RBM12B: variants seen among roughly 807,000 people sequenced by gnomAD.
RBM12B encodes the protein RNA-binding protein 12B.
RBM12B carries 10 observed loss-of-function variants against 34.3 expected under a neutral mutation model. That is an observed-to-expected ratio of 0.29 (90% CI 0.18 to 0.49). The LOEUF is 0.49. RBM12B is among the 20% of genes least tolerant of loss of function. RBM12B has a pLI of 0.99. For synonymous variants in RBM12B, 477 were observed against 437.1 expected, an observed-to-expected ratio of 1.09 and a Z score of -1.14; for missense variants, 1,139 against 1,262.7, an observed-to-expected ratio of 0.90 and a Z score of 1.48.
Position 93,736,171 on chromosome 8 carries a change from C to CG in RBM12B, c.239_240insC (p.Gln80HisfsTer10). 2.5e-6 allele frequency: 4 copies of CG among 1,614,190 alleles called. No individual in the cohort carries two copies. The highest frequency in any genetic ancestry group is 2.5e-6 in the Non-Finnish European group (3 of 1,180,026). ...CAGTTCTTTTCATTTCTATAGTCTT[C>CG]TGCATTTCTGCCTTGCTACTAAGAA... On this transcript the variant is annotated frameshift_variant, in exon 4 of 4. Coordinates refer to ENST00000520560, the MANE Select transcript of RBM12B (RefSeq NM_001377960.1). LOFTEE classifies it high-confidence loss of function.
intron 2 of RBM12B, 34 bp downstream of exon 2, chr8:93,740,592 CACT>C (rs1036662903): frequency 2.7e-5 from 12 of 448,246 alleles, no homozygotes; most frequent in Middle Eastern, 3.3e-4. Context: ...TTTCTGCCAC[CACT>C]GACTACGATG....
chr8:93,728,174 T>G lies in RBM12B; in HGVS notation c.*5231A>C. 1 of 1,404,336 alleles carries G rather than the reference T, an allele frequency of 7.1e-7. No homozygotes were observed. The highest frequency in any genetic ancestry group is 9.5e-7 in the Non-Finnish European group (1 of 1,051,346). The allele number at this position is 1,404,336 out of a possible 1,614,324, so 87.0% of individuals were successfully genotyped here. On this transcript the variant is annotated 3_prime_UTR_variant, in exon 4 of 4. Coordinates refer to ENST00000520560, the MANE Select transcript of RBM12B (RefSeq NM_001377960.1). ...GTAAAATTTTTTTAAGTTAGTATTT[T>G]TATTTTAAAAAGTGTGTTAACTTTT... is the stretch of plus-strand genomic sequence containing the variant.
chr8:93,730,544 G>A lies in RBM12B; in HGVS notation c.*2861C>T, dbSNP rs147311030. 8.5e-5 allele frequency: 13 copies of A among 152,322 alleles called. No individual in the cohort carries two copies. The highest frequency in any genetic ancestry group is 3.3e-4 in the Admixed American group (5 of 15,300). The allele number at this position is 152,322 out of a possible 1,614,324, so 9.4% of individuals were successfully genotyped here. On this transcript the variant is annotated 3_prime_UTR_variant, in exon 4 of 4. Transcript: ENST00000520560. Reference sequence around the variant, plus strand: ...GAGACGACAATTACTGAAGCTGAGTGATGTGTACATGAAAATTTACTATTC... The same window carrying A: ...GAGACGACAATTACTGAAGCTGAGTAATGTGTACATGAAAATTTACTATTC...
chr8:93,735,194 T>A lies in RBM12B; in HGVS notation c.1217A>T (p.Asn406Ile). Reference protein sequence around the residue: ...SGQKLCIYIRNFPFDVTKVEV... With the variant: ...SGQKLCIYIRIFPFDVTKVEV... ...AACTTTTGTAACATCAAATGGAAAA[T>A]TTCTTATATAGATGCACAGTTTCTG... Residue 406 changes from asparagine (N) to isoleucine (I), a missense_variant, in exon 4 of 4, where the codon AAT becomes ATT. By Grantham distance (149) the Asn-to-Ile change is moderately radical. Coordinates refer to ENST00000520560, the MANE Select transcript of RBM12B (RefSeq NM_001377960.1). The A allele has an allele frequency of 6.2e-7, 1 of 1,614,086 alleles. No individual in the cohort carries two copies. Among genetic ancestry groups the A allele is most frequent in the Non-Finnish European group, 8.5e-7 (1 of 1,180,038 alleles).
intron 3 of RBM12B, among the ~76,000 whole-genome samples, 177 bp downstream of exon 3, chr8:93,737,130 T>A (rs1215401067): frequency 1.3e-5 from 2 of 152,126 alleles, no homozygotes; most frequent in South Asian, 2.1e-4. Flanking sequence ...TGAGCCCAAT[T>A]TGAAATTTTC....
intron 3 of RBM12B, 103 bp downstream of exon 3, chr8:93,737,203 TC>T (rs759205517): frequency 8.5e-5 from 13 of 152,064 alleles, no homozygotes; most frequent in Non-Finnish European, 1.8e-4. Context: ...TGAGGCCCTG[TC>T]TTTTTAAAAA....
At position 93,730,354 on chromosome 8, in the gene RBM12B, C is replaced by T. The variant is rs545458384; in HGVS notation, c.*3051G>A. 2.0e-4 allele frequency: 31 copies of T among 152,198 alleles called. No homozygotes were observed. The highest frequency in any genetic ancestry group is 1.9e-4 in the East Asian group (1 of 5,178). 9.4% of individuals were successfully genotyped at this position (152,198 alleles called of 1,614,324 possible). A position where few individuals can be genotyped will look rare whatever the true frequency, so the allele number is the denominator to read the frequency against. On this transcript the variant is annotated 3_prime_UTR_variant, in exon 4 of 4. Transcript: ENST00000520560. ...CACTCCTAACATGATTTTTACCTAT[C>T]TCTTGGTTGTGGGATTGACTTTCTA...
At position 93,731,246 on chromosome 8, in the gene RBM12B, G is replaced by C. The variant is rs1380866783; in HGVS notation, c.*2159C>G. 1 of 152,190 alleles carries C rather than the reference G, an allele frequency of 6.6e-6. No individual in the cohort carries two copies. The highest frequency in any genetic ancestry group is 2.4e-5 in the African/African-American group (1 of 41,462). The allele number at this position is 152,190 out of a possible 1,614,324, so 9.4% of individuals were successfully genotyped here. A position where few individuals can be genotyped will look rare whatever the true frequency, so the allele number is the denominator to read the frequency against. On this transcript the variant is annotated 3_prime_UTR_variant, in exon 4 of 4. Transcript: ENST00000520560. ...ATCCCACCTCAGCCCAGTTTGAAAT[G>C]CAATTCCACAGTAAGTAATCCCTCA...
Position 93,734,861 on chromosome 8 carries a change from G to C in RBM12B, c.1550C>G (p.Pro517Arg), listed in dbSNP as rs1217898681. The change falls in exon 4 of 4, where the codon CCA (proline) becomes CGA (arginine). Residue 517 changes from proline to arginine, a missense_variant. Transcript: ENST00000520560. Reference sequence around the variant, plus strand: ...TTCAAAAGCACCAACTGAGTATATTGGTGGGTCTTTTGAGTCAAATAAATG... The same window carrying C: ...TTCAAAAGCACCAACTGAGTATATTCGTGGGTCTTTTGAGTCAAATAAATG... ...HSHLFDSKDP[P>R]IYSVGAFENF... The C allele has an allele frequency of 1.2e-6, 2 of 1,614,132 alleles. No homozygotes were observed. Among genetic ancestry groups the C allele is most frequent in the Non-Finnish European group, 1.7e-6 (2 of 1,180,006 alleles).
chr8:93,735,174 T>C lies in RBM12B; in HGVS notation c.1237A>G (p.Lys413Glu). The part of the protein sequence containing the change: ...YIRNFPFDVT[K>E]VEVQKFFADF... Reference sequence around the variant, plus strand: ...GCAAAGAACTTCTGCACTTCAACTTTTGTAACATCAAATGGAAAATTTCTT... The same window carrying C: ...GCAAAGAACTTCTGCACTTCAACTTCTGTAACATCAAATGGAAAATTTCTT... Residue 413 changes from lysine (K) to glutamate (E), a missense_variant, in exon 4 of 4, where the codon AAA becomes GAA. By Grantham distance (56) the Lys-to-Glu change is moderately conservative. Around this residue, in one of 3 missense-constraint regions of RBM12B, gnomAD observed 863 missense variants for 869.5 expected, o/e 0.99. Transcript: ENST00000520560. 2 of 1,614,148 alleles carry C rather than the reference T, an allele frequency of 1.2e-6. No homozygotes were observed. The highest frequency in any genetic ancestry group is 1.7e-6 in the Non-Finnish European group (2 of 1,180,036).
rs1417349276 is a variant in RBM12B, at chr8:93,733,335, T to C, written c.*70A>G. 4 of 1,294,654 alleles carry C rather than the reference T, an allele frequency of 3.1e-6. No homozygotes were observed. Among genetic ancestry groups the C allele is most frequent in the East Asian group, 2.6e-5 (1 of 39,182 alleles). 80.2% of individuals were successfully genotyped at this position (1,294,654 alleles called of 1,614,324 possible). On this transcript the variant is annotated 3_prime_UTR_variant, in exon 4 of 4. Transcript: ENST00000520560. ...TAGATAATTTAAAAAAAAAACACTTTTTTAAAACAAATGTATTTTACTCCA... is the reference window on the plus strand; with the variant it reads ...TAGATAATTTAAAAAAAAAACACTTCTTTAAAACAAATGTATTTTACTCCA...
Position 93,728,911 on chromosome 8 carries a change from C to T in RBM12B, c.*4494G>A, listed in dbSNP as rs1452253223. The T allele has an allele frequency of 6.6e-6, 1 of 151,972 alleles. No individual in the cohort carries two copies. The highest frequency in any genetic ancestry group is 2.4e-5 in the African/African-American group (1 of 41,406). The allele number at this position is 151,972 out of a possible 1,614,324, so 9.4% of individuals were successfully genotyped here. A position where few individuals can be genotyped will look rare whatever the true frequency, so the allele number is the denominator to read the frequency against. On this transcript the variant is annotated 3_prime_UTR_variant, in exon 4 of 4. Coordinates refer to ENST00000520560, the MANE Select transcript of RBM12B (RefSeq NM_001377960.1). ...ATTCAATCTGACTCTGGTTTTAAAA[C>T]AAAACTGCTGTCATAATTATACATG...
At chr8:93,740,306 A>AT (rs1320732385) in intron 2 of RBM12B, 1 of 457,186 alleles carries the variant, frequency 2.2e-6, no homozygotes, top group Non-Finnish European at 4.4e-6. Flanking sequence ...GAAGGCATCG[A>AT]TTCTACAGCC....
intron 2 of RBM12B, among the ~76,000 whole-genome samples, chr8:93,739,588 C>A (rs903035677): frequency 5.9e-5 from 9 of 152,184 alleles, no homozygotes; most frequent in Non-Finnish European, 1.3e-4. Flanking sequence ...TTTCCTTAAG[C>A]AAATTCTCCA....
Position 93,740,957 on chromosome 8 carries a change from G to T in RBM12B, c.-222C>A, listed in dbSNP as rs368762996. The T allele has an allele frequency of 5.1e-6, 1 of 197,130 alleles. No homozygotes were observed. The highest frequency in any genetic ancestry group is 1.1e-5 in the Non-Finnish European group (1 of 93,434). The allele number at this position is 197,130 out of a possible 1,614,324, so 12.2% of individuals were successfully genotyped here. A position where few individuals can be genotyped will look rare whatever the true frequency, so the allele number is the denominator to read the frequency against. On this transcript the variant is annotated 5_prime_UTR_variant, in exon 1 of 4. Transcript: ENST00000520560. ...CGCAGCAGCCTCCCCAAAACAGGTA[G>T]ACCCTCAGTGAGCCCAGAAGAAGAT... is the stretch of plus-strand genomic sequence containing the variant.
chr8:93,737,935 T>C (rs976800205), intron 2 of RBM12B, among the ~76,000 whole-genome samples: 2 of 151,940 alleles, frequency 1.3e-5, no homozygotes, highest in Admixed American at 1.3e-4. Flanking sequence ...CAAATCAAAT[T>C]AAGGCAACCA....
In RBM12B at chr8:93,728,349, A is replaced by G. The variant is rs1413052311; in HGVS notation, c.*5056T>C. The G allele has an allele frequency of 1.7e-6, 2 of 1,196,140 alleles. No homozygotes were observed. The highest frequency in any genetic ancestry group is 2.2e-5 in the Admixed American group (1 of 45,924). The allele number at this position is 1,196,140 out of a possible 1,614,324, so 74.1% of individuals were successfully genotyped here. A position where few individuals can be genotyped will look rare whatever the true frequency, so the allele number is the denominator to read the frequency against. On this transcript the variant is annotated 3_prime_UTR_variant, in exon 4 of 4. Coordinates refer to ENST00000520560, the MANE Select transcript of RBM12B (RefSeq NM_001377960.1). The stretch of plus-strand genomic sequence containing the variant: ...ATGACTTGAAATCCACAATGACTAA[A>G]TTGTAGAACTTTATACTCACTTTGC...
rs2130443361 is a variant in RBM12B, at chr8:93,734,353, A to G, written c.2058T>C (p.Pro686=). The part of the protein sequence containing the change: ...RRPPEEDFRR[P]LQGEWRRPPE... ...GTGGTCGCCTCCATTCTCCCTGAAG[A>G]GGCCGCCTAAAGTCCTCCTCTGGGG... The change falls in exon 4 of 4, where the codon CCT becomes CCC. Residue 686 remains proline (P), a synonymous_variant. Transcript: ENST00000520560. 6.2e-7 allele frequency: 1 copy of G among 1,606,704 alleles called. No homozygotes were observed.
At position 93,730,161 on chromosome 8, in the gene RBM12B, A is replaced by G. The variant is rs937830074; in HGVS notation, c.*3244T>C. 18 of 152,238 alleles carry G rather than the reference A, an allele frequency of 1.2e-4. No individual in the cohort carries two copies. The highest frequency in any genetic ancestry group is 4.3e-4 in the African/African-American group (18 of 41,458). The allele number at this position is 152,238 out of a possible 1,614,324, so 9.4% of individuals were successfully genotyped here. Reference sequence around the variant, plus strand: ...TTACTAGGATTATCAGAATTAAATGATAGTTAATTCATACATAATTATACA... The same window carrying G: ...TTACTAGGATTATCAGAATTAAATGGTAGTTAATTCATACATAATTATACA... On this transcript the variant is annotated 3_prime_UTR_variant, in exon 4 of 4. Transcript: ENST00000520560.
Sources: gnomAD v4.1 joint callset for allele counts (sites outside exome capture counted in the v4.1 genomes callset) on GRCh38, gnomAD v4.1.1 for gene constraint, gnomAD v4.1.1 regional missense constraint, MANE v1.5 for transcripts, NCBI Gene and HGNC (gene_info 2026-07-23, HGNC 2026-07-21) for gene names.